The following SLC6A19 variants were observed in gnomAD, a reference collection of about 807,000 sequenced individuals.
SLC6A19 encodes sodium-dependent neutral amino acid transporter B(0)AT1.
Under a neutral mutation model 68.3 loss-of-function variants are expected in SLC6A19, and 67 were observed. The ratio of observed to expected loss-of-function variants is 0.98; its 90% CI spans 0.81 to 1.20. The LOEUF (loss-of-function observed/expected upper bound fraction) is 1.20. SLC6A19 is among the 50% of genes most tolerant of loss of function. The pLI, the probability that SLC6A19 is intolerant of heterozygous loss-of-function variation, is 0.00. For missense variants in SLC6A19, 813 were observed against 851.6 expected, an observed-to-expected ratio of 0.95 and a Z score of 0.56; for synonymous variants, 392 against 374.9, an observed-to-expected ratio of 1.05 and a Z score of -0.53.
At position 1,212,147 on chromosome 5, in the gene SLC6A19, C is replaced by A. The variant is rs1196564304; in HGVS notation, c.482-156C>A. On this transcript the variant is annotated intron_variant, in intron 3 of 11. Coordinates refer to ENST00000304460, the MANE Select transcript of SLC6A19 (RefSeq NM_001003841.3). This position sits in a 1 kb window ranked among gnomAD's most constrained non-coding sequence, Gnocchi z 5.1. The stretch of plus-strand genomic sequence containing the variant: ...GTGTGCGTGCATGCATGTGCGTGCA[C>A]GTGAGCATGTGTGCCTGTGTTCATG... Among the ~76,000 whole-genome samples the A allele has an allele frequency of 6.9e-6, 1 of 144,778 alleles. No homozygotes were observed. Among genetic ancestry groups the A allele is most frequent in the East Asian group, 2.1e-4 (1 of 4,800 alleles). The allele number at this position is 144,778 out of a possible 152,430, so 95.0% of individuals were successfully genotyped here.
At chr5:1,219,778 C>T (rs1214618575) in intron 10 of SLC6A19, 114 bp downstream of exon 10, 37 of 1,454,270 alleles carry the variant, frequency 2.5e-5, no homozygotes, top group Admixed American at 8.8e-5. Flanking sequence ...GTCTATGACT[C>T]GGGGCCTCGG....
intron 1 of SLC6A19, among the ~76,000 whole-genome samples, chr5:1,202,695 G>A (rs987367378): frequency 4.6e-5 from 7 of 152,188 alleles, no homozygotes; most frequent in Admixed American, 6.5e-5. Context: ...TTCACGGGGG[G>A]GCCGTGAAGG....
intron 10 of SLC6A19, among the ~76,000 whole-genome samples, chr5:1,219,887 C>G (rs552512083): frequency 6.8e-4 from 103 of 152,264 alleles, no homozygotes; most frequent in Non-Finnish European, 1.3e-3. Flanking sequence ...TGCTGGGAGC[C>G]GGGAAGCCCA....
At chr5:1,204,357 A>C (rs1027468820) in intron 1 of SLC6A19, among the ~76,000 whole-genome samples, 1 of 152,204 alleles carries the variant, frequency 6.6e-6, no homozygotes, top group African/African-American at 2.4e-5. Flanking sequence ...GAGCCGTCTC[A>C]AGGGCGTGCT....
rs771316942 is a variant in SLC6A19, at chr5:1,218,896, C to A, written c.1174-7C>A. On this transcript the variant is annotated splice_polypyrimidine_tract_variant and splice_region_variant and intron_variant, in intron 8 of 11. Coordinates refer to ENST00000304460, the MANE Select transcript of SLC6A19 (RefSeq NM_001003841.3). Reference sequence around the variant, plus strand: ...GAGGCCCTGGTGACTGTGTGTCATCCGTGCAGGCCGTGGAGGGCACAGGCC... The same window carrying A: ...GAGGCCCTGGTGACTGTGTGTCATCAGTGCAGGCCGTGGAGGGCACAGGCC... 5 of 1,612,284 alleles carry A rather than the reference C, an allele frequency of 3.1e-6. No homozygotes were observed. The highest frequency in any genetic ancestry group is 4.2e-6 in the Non-Finnish European group (5 of 1,179,578).
At chr5:1,221,127 G>T (rs781129139) in intron 10 of SLC6A19, 24 bp from the exon 11 acceptor site, 1 of 1,611,074 alleles carries the variant, frequency 6.2e-7, no homozygotes, top group Non-Finnish European at 8.5e-7. Flanking sequence ...TAGCAGCAGT[G>T]ACAGCTGTCT....
chr5:1,221,814 C>T lies in SLC6A19; in HGVS notation c.1815C>T (p.Leu605=), dbSNP rs1347829193. ...LTIPGYAIYK[L]IRNHCQKPGD... is the part of the protein sequence containing the mutation. ...TCCCTGGCTATGCCATCTACAAGCT[C>T]ATCAGGAACCACTGCCAGAAGCCAG... The change falls in exon 12 of 12, where the codon CTC becomes CTT. Residue 605 remains leucine (L), a synonymous_variant. Coordinates refer to ENST00000304460, the MANE Select transcript of SLC6A19 (RefSeq NM_001003841.3). 1.2e-6 allele frequency: 2 copies of T among 1,614,230 alleles called. No individual in the cohort carries two copies. The highest frequency in any genetic ancestry group is 1.7e-5 in the Admixed American group (1 of 60,032).
intron 4 of SLC6A19, 78 bp from the exon 5 acceptor site, chr5:1,213,380 TATGCC>T: frequency 3.1e-5 from 1 of 32,502 alleles, no homozygotes; most frequent in Non-Finnish European, 5.6e-5. Context: ...CCCGCCCCCA[TATGCC>T]CCGCCCCCAC....
rs1472920769 is a variant in SLC6A19 at position 1,215,215 on chromosome 5, G to T, written c.887+1150G>T. On this transcript the variant is annotated intron_variant, in intron 6 of 11. Transcript: ENST00000304460. The surrounding 1 kb of genome is among the most constrained non-coding windows in gnomAD (Gnocchi z 5.1). ...GACTTTTTCGTGGAGTGGCTGAGGTGGAACTGAGGGTGAATTATTTTTATA... is the reference window on the plus strand; with the variant it reads ...GACTTTTTCGTGGAGTGGCTGAGGTTGAACTGAGGGTGAATTATTTTTATA... 2.0e-5 allele frequency among the ~76,000 whole-genome samples: 3 copies of T among 152,112 alleles called. No homozygotes were observed. Among genetic ancestry groups the T allele is most frequent in the Admixed American group, 2.0e-4 (3 of 15,286 alleles).
At chr5:1,213,682 G>A in intron 5 of SLC6A19, 109 bp downstream of exon 5, 1 of 1,191,446 alleles carries the variant, frequency 8.4e-7, no homozygotes, top group South Asian at 1.3e-5. Context: ...GCAGCCTGCT[G>A]CTCGACCAGT....
chr5:1,205,549 G>C (rs1453780354), intron 1 of SLC6A19, among the ~76,000 whole-genome samples: 1 of 152,238 alleles, frequency 6.6e-6, no homozygotes, highest in Non-Finnish European at 1.5e-5. Context: ...CCAGGAGCAA[G>C]GGCAACAACT....
chr5:1,213,401 G>A (rs552823986), intron 4 of SLC6A19, 62 bp from the exon 5 acceptor site: 54 of 254,806 alleles, frequency 2.1e-4, no homozygotes, highest in Admixed American at 7.3e-4. Context: ...CCCACGTGCC[G>A]CCCCCACCGC....
chr5:1,213,938 C>T lies in SLC6A19; in HGVS notation c.775-15C>T. On this transcript the variant is annotated splice_polypyrimidine_tract_variant and intron_variant, in intron 5 of 11. Transcript: ENST00000304460. ...ATCTGCACCATGAGTGGCTGAGGGTCTCCATGTGGCGCAGGTCACGGAGCT... is the reference window on the plus strand; with the variant it reads ...ATCTGCACCATGAGTGGCTGAGGGTTTCCATGTGGCGCAGGTCACGGAGCT... 1.2e-6 allele frequency: 2 copies of T among 1,612,446 alleles called. No individual in the cohort carries two copies. The highest frequency in any genetic ancestry group is 1.7e-6 in the Non-Finnish European group (2 of 1,179,972).
At chr5:1,210,306 G>T (rs1178025810) in intron 2 of SLC6A19, 138 bp from the exon 3 acceptor site, 11 of 1,250,082 alleles carry the variant, frequency 8.8e-6, no homozygotes, top group Non-Finnish European at 1.1e-6. Context: ...GCCTGCACTG[G>T]GTCGGCCCCT....
Position 1,222,022 on chromosome 5 carries a change from T to A in SLC6A19, c.*118T>A. 9.0e-7 allele frequency: 1 copy of A among 1,110,590 alleles called. No homozygotes were observed. Among genetic ancestry groups the A allele is most frequent in the South Asian group, 1.5e-5 (1 of 68,076 alleles). 68.8% of individuals were successfully genotyped at this position (1,110,590 alleles called of 1,614,324 possible). A position where few individuals can be genotyped will look rare whatever the true frequency, so the allele number is the denominator to read the frequency against. On this transcript the variant is annotated 3_prime_UTR_variant, in exon 12 of 12. Transcript: ENST00000304460. ...GTGTAAGCGTGAGTGTATGCTCGTGTGTGAGTGTGTGTATTGTACACGCAT... is the reference window on the plus strand; with the variant it reads ...GTGTAAGCGTGAGTGTATGCTCGTGAGTGAGTGTGTGTATTGTACACGCAT...
chr5:1,221,023 G>A (rs1008381835), intron 10 of SLC6A19, 128 bp from the exon 11 acceptor site: 28 of 1,168,972 alleles, frequency 2.4e-5, no homozygotes, highest in Admixed American at 6.0e-5. Context: ...GGGAGGGATC[G>A]GGCCCTGGCA....
At position 1,216,872 on chromosome 5, in the gene SLC6A19, G is replaced by A; in HGVS notation, c.1100G>A (p.Cys367Tyr). ...QENFVDMQQR[C>Y]NASDPAAYAQ... ...AACTTTGTGGACATGCAGCAGCGGTGCAACGCCTCCGACCCCGCGGCCTAC... is the reference window on the plus strand; with the variant it reads ...AACTTTGTGGACATGCAGCAGCGGTACAACGCCTCCGACCCCGCGGCCTAC... Residue 367 changes from cysteine to tyrosine, a missense_variant, in exon 8 of 12, where the codon TGC becomes TAC. Coordinates refer to ENST00000304460, the MANE Select transcript of SLC6A19 (RefSeq NM_001003841.3). 3 of 1,613,746 alleles carry A rather than the reference G, an allele frequency of 1.9e-6. No individual in the cohort carries two copies. Among genetic ancestry groups the A allele is most frequent in the Non-Finnish European group, 2.5e-6 (3 of 1,180,038 alleles).
At chr5:1,210,939 C>T (rs1007546562) in intron 3 of SLC6A19, among the ~76,000 whole-genome samples, 4 of 152,208 alleles carry the variant, frequency 2.6e-5, no homozygotes, top group African/African-American at 7.2e-5. Context: ...TGCATCCCTG[C>T]GTTGCTCCGC....
intron 3 of SLC6A19, among the ~76,000 whole-genome samples, chr5:1,211,750 T>C (rs1246649671): frequency 6.6e-6 from 1 of 150,522 alleles, no homozygotes; most frequent in African/African-American, 2.5e-5. Context: ...ACAGTCACGC[T>C]TGTGTGCTGT....
Sources: allele counts gnomAD v4.1 joint callset (sites outside exome capture counted in the v4.1 genomes callset), GRCh38; gene constraint gnomAD v4.1.1; non-coding constraint Gnocchi (gnomAD v3.1); transcripts MANE v1.5; gene names NCBI Gene and HGNC (gene_info 2026-07-23, HGNC 2026-07-21).